Variants in MYO1D observed in about 807,000 individuals in gnomAD.
MYO1D encodes myosin ID.
MYO1D carries 83 observed loss-of-function variants against 122.0 expected under a neutral mutation model. The observed-to-expected ratio is 0.68, with a 90% CI of 0.57 to 0.82. The LOEUF (loss-of-function observed/expected upper bound fraction) is 0.82. Among genes scored for constraint, MYO1D ranks in the 40% least tolerant of loss-of-function variants. The pLI, the probability that MYO1D is intolerant of heterozygous loss-of-function variation, is 0.00. For synonymous variants in MYO1D, 464 were observed against 446.9 expected (o/e 1.04, Z -0.48); for missense variants, 1,157 against 1,269.5 (o/e 0.91, Z 1.35).
At chr17:32,514,660 A>T (rs1421810693) in intron 21 of MYO1D, among the ~76,000 whole-genome samples, 1 of 152,228 alleles carries the variant, frequency 6.6e-6, no homozygotes, top group African/African-American at 2.4e-5. Context: ...AGTTAGTTTG[A>T]ATCACGATGA....
chr17:32,635,688 G>A (rs1473656928), intron 20 of MYO1D, among the ~76,000 whole-genome samples: 3 of 152,064 alleles, frequency 2.0e-5, no homozygotes, highest in African/African-American at 7.2e-5. Context: ...GCAAGACTCC[G>A]TCTCGGGTGG....
At chr17:32,707,908 G>T (rs1364522401) in intron 16 of MYO1D, among the ~76,000 whole-genome samples, 3 of 152,214 alleles carry the variant, frequency 2.0e-5, no homozygotes, top group Non-Finnish European at 4.4e-5. Flanking sequence ...ACAGCTCATT[G>T]CTGGAGGAAT....
intron 19 of MYO1D, among the ~76,000 whole-genome samples, chr17:32,645,201 G>C (rs1403637329): frequency 6.6e-6 from 1 of 152,180 alleles, no homozygotes; most frequent in Non-Finnish European, 1.5e-5. Context: ...TGAAATTGCG[G>C]GTTGAAAATT....
At chr17:32,582,697 A>G (rs528064108) in intron 21 of MYO1D, among the ~76,000 whole-genome samples, 1 of 152,328 alleles carries the variant, frequency 6.6e-6, no homozygotes, top group South Asian at 2.1e-4. Flanking sequence ...CATTTTCTAT[A>G]TGCTTACTGA....
chr17:32,494,878 C>T lies in MYO1D; in HGVS notation c.2902G>A (p.Val968Ile), dbSNP rs1358479225. The change falls in exon 22 of 22, where the codon GTA (valine) becomes ATA (isoleucine). Residue 968 changes from valine to isoleucine, a missense_variant. Coordinates refer to ENST00000318217, the MANE Select transcript of MYO1D (RefSeq NM_015194.3). ...TTCTTCCCGTGCAGGCTGCACTGTA[C>T]TGGGTTGGTGACGTTCACTTGAAGG... ...RHLQVNVTNP[V>I]QCSLHGKKCT... 2 of 1,611,870 alleles carry T rather than the reference C, an allele frequency of 1.2e-6. No homozygotes were observed. Among genetic ancestry groups the T allele is most frequent in the Admixed American group, 1.7e-5 (1 of 59,716 alleles).
chr17:32,768,202 G>T (rs2090078948), intron 6 of MYO1D, among the ~76,000 whole-genome samples: 1 of 152,240 alleles, frequency 6.6e-6, no homozygotes, highest in Admixed American at 6.5e-5. Context: ...CGTATAATCA[G>T]GCGGTTTATT....
At chr17:32,560,063 T>C (rs576169546) in intron 21 of MYO1D, among the ~76,000 whole-genome samples, 3 of 152,264 alleles carry the variant, frequency 2.0e-5, no homozygotes, top group Non-Finnish European at 2.9e-5. Context: ...AAGACCAGCC[T>C]GACCAACATG....
At chr17:32,865,598 T>C (rs2151090171) in intron 1 of MYO1D, among the ~76,000 whole-genome samples, 1 of 152,372 alleles carries the variant, frequency 6.6e-6, no homozygotes, top group Middle Eastern at 3.4e-3. Flanking sequence ...GAAAAACCTA[T>C]GTTCAGGAGT....
rs1477025331 is a variant in MYO1D, at chr17:32,678,391, G to A, written c.2122-19053C>T. On this transcript the variant is annotated intron_variant, in intron 16 of 21. Transcript: ENST00000318217. ...TCATCTAGCATTAGGTATATCTCCC[G>A]ATGCTATCCCTCCCCCCTCCCCCCA... 2.5e-3 allele frequency among the ~76,000 whole-genome samples: 376 copies of A among 147,946 alleles called. 2 individuals are homozygous for A. Among genetic ancestry groups the A allele is most frequent in the African/African-American group, 8.0e-3 (319 of 39,874 alleles).
rs772793485 is a variant in MYO1D at position 32,494,924 on chromosome 17, AC to A, written c.2865-10del. ...GAAGGTGGCGCTTCTCACTGCAGGA[AC>A]CAAAAACACCAGACGGGCAGTTAGC... is the stretch of plus-strand genomic sequence containing the variant. On this transcript the variant is annotated splice_polypyrimidine_tract_variant and intron_variant, in intron 21 of 21. Transcript: ENST00000318217. 1 of 1,585,910 alleles carries A rather than the reference AC, an allele frequency of 6.3e-7. No homozygotes were observed. Among genetic ancestry groups the A allele is most frequent in the East Asian group, 2.3e-5 (1 of 43,340 alleles).
intron 21 of MYO1D, among the ~76,000 whole-genome samples, chr17:32,566,771 A>G (rs1239057883): frequency 7.8e-6 from 1 of 128,200 alleles, no homozygotes; most frequent in Non-Finnish European, 1.7e-5. Flanking sequence ...AGCCTCAAAC[A>G]CAAACTTCCA....
chr17:32,719,218 T>C (rs1192755827), intron 15 of MYO1D, among the ~76,000 whole-genome samples: 1 of 152,206 alleles, frequency 6.6e-6, no homozygotes, highest in Non-Finnish European at 1.5e-5. Context: ...GAGAGTCTTG[T>C]CAACTTTATC....
intron 16 of MYO1D, among the ~76,000 whole-genome samples, chr17:32,700,388 C>T (rs1383647285): frequency 6.6e-5 from 10 of 152,212 alleles, no homozygotes; most frequent in African/African-American, 2.4e-4. Flanking sequence ...TTGCCCTCTG[C>T]TCATCTCCTG....
intron 16 of MYO1D, among the ~76,000 whole-genome samples, chr17:32,696,754 G>C (rs1309132551): frequency 1.3e-5 from 2 of 152,200 alleles, no homozygotes. Flanking sequence ...GGCTGTTTTA[G>C]TAATTCCAAA....
intron 18 of MYO1D, 107 bp from the exon 19 acceptor site, chr17:32,654,054 T>G: frequency 1.2e-6 from 1 of 828,140 alleles, no homozygotes; most frequent in Non-Finnish European, 1.9e-6. Context: ...GTTTCACACA[T>G]GCACTCTTTA....
chr17:32,652,561 TC>T (rs1428156031), intron 19 of MYO1D, among the ~76,000 whole-genome samples: 1 of 152,166 alleles, frequency 6.6e-6, no homozygotes, highest in Non-Finnish European at 1.5e-5. Flanking sequence ...TTTGGATAAT[TC>T]TACAAAATAC....
chr17:32,674,293 G>T (rs1274111764), intron 16 of MYO1D, among the ~76,000 whole-genome samples: 2 of 152,174 alleles, frequency 1.3e-5, no homozygotes, highest in African/African-American at 2.4e-5. Flanking sequence ...AACATTAGAT[G>T]ATTCATAAGA....
rs139144963 is a variant in MYO1D at position 32,569,835 on chromosome 17, C to T, written c.2864+35252G>A. ...TATTAAAGAGCCAGAAAATAAGATCCGGGAATAAAGGAGAGATAAAAGGTC... is the reference window on the plus strand; with the variant it reads ...TATTAAAGAGCCAGAAAATAAGATCTGGGAATAAAGGAGAGATAAAAGGTC... On this transcript the variant is annotated intron_variant, in intron 21 of 21. Coordinates refer to ENST00000318217, the MANE Select transcript of MYO1D (RefSeq NM_015194.3). Among the ~76,000 whole-genome samples the T allele has an allele frequency of 2.2e-3, 331 of 151,996 alleles. 3 individuals carry two copies. The highest frequency in any genetic ancestry group is 7.5e-3 in the African/African-American group (310 of 41,444).
intron 1 of MYO1D, among the ~76,000 whole-genome samples, chr17:32,832,785 AG>A: frequency 6.6e-6 from 1 of 152,380 alleles, no homozygotes; most frequent in African/African-American, 2.4e-5. Context: ...GTAAATGTAA[AG>A]AATAGAAGTT....
Sources: allele counts gnomAD v4.1 joint callset (sites outside exome capture counted in the v4.1 genomes callset), GRCh38; gene constraint gnomAD v4.1.1; transcripts MANE v1.5; gene names NCBI Gene and HGNC (gene_info 2026-07-23, HGNC 2026-07-21).